TENM3: variants seen among roughly 807,000 people sequenced by gnomAD.
TENM3 encodes the protein teneurin transmembrane protein 3, also known as teneurin-3.
In TENM3, 63 loss-of-function variants were observed where a neutral mutation model predicts 255.1. The observed-to-expected ratio is 0.25, with a 90% confidence interval of 0.20 to 0.30. The LOEUF is 0.30. Ranked by LOEUF, TENM3 falls within the 10% of genes least tolerant of loss-of-function variation. TENM3 has a pLI of 1.00. For synonymous variants in TENM3, 1,306 were observed against 1,322.3 expected, an observed-to-expected ratio of 0.99 and a Z score of 0.27; for missense variants, 2,929 against 3,461.1, an observed-to-expected ratio of 0.85 and a Z score of 3.86.
At chr4:182,204,098 G>A (rs1210032958) in intron 1 of TENM3, among the ~76,000 whole-genome samples, 1 of 152,214 alleles carries the variant, frequency 6.6e-6, no homozygotes, top group Non-Finnish European at 1.5e-5. Context: ...TCAGTAATGA[G>A]TTGGCTGCGG....
chr4:182,255,635 C>A (rs1464610253), intron 1 of TENM3, among the ~76,000 whole-genome samples: 1 of 152,124 alleles, frequency 6.6e-6, no homozygotes, highest in African/African-American at 2.4e-5. Flanking sequence ...CTGGAGATGG[C>A]AGTGTGTGTG....
intron 1 of TENM3, among the ~76,000 whole-genome samples, chr4:182,218,542 T>C (rs2726811): frequency 0.64 from 97,318 of 151,946 alleles, 31,579 homozygotes; most frequent in Middle Eastern, 0.71. Flanking sequence ...GGATAAATCA[T>C]GTGCTTAAAA....
the TENM3 span, among the ~76,000 whole-genome samples, chr4:181,512,324 A>G: frequency 2.6e-5 from 4 of 152,118 alleles, no homozygotes; most frequent in South Asian, 2.1e-4. Context: ...GGTCTACACA[A>G]TTTTTCTCTA....
chr4:182,537,530 C>A (rs2151869373), intron 3 of TENM3, among the ~76,000 whole-genome samples: 1 of 152,306 alleles, frequency 6.6e-6, no homozygotes, highest in South Asian at 2.1e-4. Flanking sequence ...ATTCCCGGAG[C>A]AGGCACTTTG....
chr4:181,858,267 G>A, the TENM3 span, among the ~76,000 whole-genome samples: 9 of 152,208 alleles, frequency 5.9e-5, no homozygotes, highest in South Asian at 1.9e-3. Context: ...TATAGGTTTT[G>A]CAAATTCAGC....
At chr4:182,706,292 C>T (rs1020994261) in intron 12 of TENM3, among the ~76,000 whole-genome samples, 3 of 152,138 alleles carry the variant, frequency 2.0e-5, no homozygotes, top group Non-Finnish European at 1.5e-5. Flanking sequence ...TTTCTTGTGC[C>T]TCAGTTGCCT....
At chr4:182,311,096 A>C (rs1384926901) in intron 1 of TENM3, among the ~76,000 whole-genome samples, 2 of 152,212 alleles carry the variant, frequency 1.3e-5, no homozygotes, top group Non-Finnish European at 2.9e-5. Context: ...GATGACAGAC[A>C]AGCAAAGAGA....
intron 2 of TENM3, among the ~76,000 whole-genome samples, chr4:182,333,722 G>A (rs955903174): frequency 2.6e-5 from 4 of 152,048 alleles, no homozygotes; most frequent in Non-Finnish European, 5.9e-5. Context: ...AGATGTTTTA[G>A]CAATTGTAAT....
chr4:181,545,791 G>A, the TENM3 span, among the ~76,000 whole-genome samples: 1 of 152,112 alleles, frequency 6.6e-6, no homozygotes, highest in Non-Finnish European at 1.5e-5. Context: ...TCTATTTTAT[G>A]CAAATAGTCC....
chr4:181,929,243 AGAGTC>A, the TENM3 span, among the ~76,000 whole-genome samples: 1 of 152,148 alleles, frequency 6.6e-6, no homozygotes, highest in Non-Finnish European at 1.5e-5. Context: ...CAAATTGAAT[AGAGTC>A]AAGACCCATC....
chr4:182,617,189 G>A (rs1749623162), intron 4 of TENM3, among the ~76,000 whole-genome samples: 1 of 152,136 alleles, frequency 6.6e-6, no homozygotes, highest in African/African-American at 2.4e-5. Flanking sequence ...ATTTTGGGCT[G>A]ATTCTGTGAT....
intron 1 of TENM3, among the ~76,000 whole-genome samples, chr4:182,214,512 G>GTATT (rs56013840): frequency 0.27 from 39,839 of 147,116 alleles, 5,763 homozygotes; most frequent in Non-Finnish European, 0.31. Context: ...TCTATTTATT[G>GTATT]TATTTATTTA....
At chr4:182,506,933 T>C (rs1736884592) in intron 3 of TENM3, among the ~76,000 whole-genome samples, 1 of 152,168 alleles carries the variant, frequency 6.6e-6, no homozygotes. Flanking sequence ...CATGTTAAGG[T>C]TATCTTATCT....
chr4:182,008,026 T>C, the TENM3 span, among the ~76,000 whole-genome samples: 1 of 152,212 alleles, frequency 6.6e-6, no homozygotes, highest in African/African-American at 2.4e-5. Flanking sequence ...AAAATTCTTT[T>C]CTTTAAGAAT....
chr4:181,988,408 T>C, the TENM3 span, among the ~76,000 whole-genome samples: 1 of 152,072 alleles, frequency 6.6e-6, no homozygotes, highest in Non-Finnish European at 1.5e-5. Context: ...GGGGCTTTAA[T>C]TCAGCAACAG....
chr4:182,623,930 A>G (rs1360596687), intron 4 of TENM3, among the ~76,000 whole-genome samples: 1 of 152,164 alleles, frequency 6.6e-6, no homozygotes, highest in Non-Finnish European at 1.5e-5. Context: ...ATGCTCAGGC[A>G]CAGGAATCTC....
the TENM3 span, among the ~76,000 whole-genome samples, chr4:182,077,129 G>A: frequency 3.9e-5 from 6 of 152,110 alleles, no homozygotes; most frequent in Non-Finnish European, 7.3e-5. Context: ...CCATCATTGT[G>A]TGATATTCAC....
intron 1 of TENM3, among the ~76,000 whole-genome samples, chr4:182,274,162 G>A (rs1335853623): frequency 6.6e-6 from 1 of 152,238 alleles, no homozygotes; most frequent in Admixed American, 6.5e-5. Context: ...AGTAGCATGA[G>A]AAGAAACTTC....
chr4:181,460,751 T>C, the TENM3 span, among the ~76,000 whole-genome samples: 2 of 150,616 alleles, frequency 1.3e-5, no homozygotes, highest in Non-Finnish European at 3.0e-5. Context: ...CAGTAACATA[T>C]ACCACTTCAC....
Sources: allele counts gnomAD v4.1 joint callset (sites outside exome capture counted in the v4.1 genomes callset), GRCh38; gene constraint gnomAD v4.1.1; transcripts MANE v1.5; gene names NCBI Gene and HGNC (gene_info 2026-07-23, HGNC 2026-07-21).